Variants in TUB observed in about 807,000 individuals in gnomAD.
The protein encoded by TUB is TUB bipartite transcription factor.
Under a neutral mutation model 59.7 loss-of-function variants are expected in TUB, and 33 were observed. The ratio of observed to expected loss-of-function variants is 0.55; its 90% CI spans 0.42 to 0.74. The LOEUF is 0.74. Ranked by LOEUF, TUB falls within the 30% of genes least tolerant of loss-of-function variation. TUB has a pLI of 0.00. For synonymous variants in TUB, 293 were observed against 256.4 expected (o/e 1.14, Z -1.36); for missense variants, 659 against 672.0 (o/e 0.98, Z 0.21).
chr11:8,023,211 G>A (rs549905096), intron 1 of TUB, among the ~76,000 whole-genome samples: 23 of 152,304 alleles, frequency 1.5e-4, no homozygotes, highest in East Asian at 1.9e-4. Flanking sequence ...GGTCTCTTGA[G>A]GCCTAGGTTT....
chr11:8,048,119 G>A (rs906156325), intron 2 of TUB, among the ~76,000 whole-genome samples: 2 of 151,944 alleles, frequency 1.3e-5, no homozygotes, highest in African/African-American at 4.8e-5. Flanking sequence ...CATTTGTTGA[G>A]GACTTATACC....
intron 1 of TUB, among the ~76,000 whole-genome samples, chr11:8,029,657 G>A (rs1237755926): frequency 6.6e-6 from 1 of 151,582 alleles, no homozygotes; most frequent in Non-Finnish European, 1.5e-5. Flanking sequence ...CCAAAGTGCT[G>A]GGATTACAGG....
rs979634311 is a variant in TUB at position 8,101,558 on chromosome 11, G to A, written c.1460G>A (p.Cys487Tyr). 1.9e-6 allele frequency: 3 copies of A among 1,614,118 alleles called. No homozygotes were observed. Among genetic ancestry groups the A allele is most frequent in the South Asian group, 1.1e-5 (1 of 91,086 alleles). Reference protein sequence around the residue: ...VFTMDYNYPLCALQAFAIALS... With the variant: ...VFTMDYNYPLYALQAFAIALS... ...ACCATGGATTACAACTACCCGCTGT[G>A]TGCACTGCAGGCCTTTGCCATTGCC... Residue 487 changes from cysteine (C) to tyrosine (Y), a missense_variant, in exon 12 of 12, where the codon TGT becomes TAT. Around this residue, in one of 3 missense-constraint regions of TUB, gnomAD observed 226 missense variants for 210.8 expected, o/e 1.07. Transcript: ENST00000299506.
At chr11:8,032,061 G>T (rs1188259803) in intron 1 of TUB, among the ~76,000 whole-genome samples, 3 of 152,208 alleles carry the variant, frequency 2.0e-5, no homozygotes, top group South Asian at 2.1e-4. Flanking sequence ...AGGAAGGGGA[G>T]CAGCCGCGAC....
chr11:8,055,798 C>G (rs993371066), intron 2 of TUB, among the ~76,000 whole-genome samples: 2 of 152,226 alleles, frequency 1.3e-5, no homozygotes, highest in Admixed American at 6.5e-5. Flanking sequence ...GGAGCACCCC[C>G]TTGGAGTCCT....
Position 8,094,170 on chromosome 11 carries a change from G to A in TUB, c.378G>A (p.Glu126=), listed in dbSNP as rs753534902. 43 of 1,613,410 alleles carry A rather than the reference G, an allele frequency of 2.7e-5. No individual in the cohort carries two copies. The highest frequency in any genetic ancestry group is 3.1e-5 in the Non-Finnish European group (36 of 1,179,688). ...GCCAGGGTGGCGCCGCTAGGAAGGA[G>A]AAGAAGGGAAAGCACAAAGGTCAGC... is the stretch of plus-strand genomic sequence containing the variant. ...AGGQGGAARK[E]KKGKHKGTSG... Residue 126 remains glutamate (E), a synonymous_variant, in exon 4 of 12, where the codon GAG becomes GAA. Coordinates refer to ENST00000299506, the MANE Select transcript of TUB (RefSeq NM_177972.3).
chr11:8,039,188 G>A (rs1422550613), intron 1 of TUB, among the ~76,000 whole-genome samples: 12 of 151,546 alleles, frequency 7.9e-5, no homozygotes, highest in African/African-American at 2.4e-4. Flanking sequence ...GTATATCCCC[G>A]CAAACCCCTC....
intron 2 of TUB, among the ~76,000 whole-genome samples, chr11:8,073,846 G>C (rs1943399577): frequency 6.6e-6 from 1 of 152,182 alleles, no homozygotes; most frequent in Admixed American, 6.5e-5. Context: ...CTCCAGCCCT[G>C]GGTCTCCCTG....
intron 2 of TUB, among the ~76,000 whole-genome samples, chr11:8,057,473 CTA>C (rs1439192117): frequency 6.6e-6 from 1 of 152,202 alleles, no homozygotes; most frequent in East Asian, 1.9e-4. Context: ...ATCTTCTAAA[CTA>C]TATGTCTATG....
Position 8,101,747 on chromosome 11 carries a change from T to C in TUB, c.*128T>C. 2.1e-6 allele frequency: 3 copies of C among 1,426,862 alleles called. No individual in the cohort carries two copies. The highest frequency in any genetic ancestry group is 2.8e-6 in the Non-Finnish European group (3 of 1,086,144). The allele number at this position is 1,426,862 out of a possible 1,614,324, so 88.4% of individuals were successfully genotyped here. Reference sequence around the variant, plus strand: ...GATGAAGCTTTGGCCCTCAGTGGGCTCCCTGGCCCAGCCAGCCAGGAACTG... The same window carrying C: ...GATGAAGCTTTGGCCCTCAGTGGGCCCCCTGGCCCAGCCAGCCAGGAACTG... On this transcript the variant is annotated 3_prime_UTR_variant, in exon 12 of 12. Coordinates refer to ENST00000299506, the MANE Select transcript of TUB (RefSeq NM_177972.3).
At chr11:8,090,869 C>T (rs950954944) in intron 3 of TUB, among the ~76,000 whole-genome samples, 1 of 151,696 alleles carries the variant, frequency 6.6e-6, no homozygotes, top group Admixed American at 6.5e-5. Flanking sequence ...GACCCTCCTT[C>T]CTGCTTGGGT....
intron 1 of TUB, among the ~76,000 whole-genome samples, chr11:8,020,317 C>T (rs961428890): frequency 3.9e-5 from 6 of 152,146 alleles, no homozygotes; most frequent in Admixed American, 3.9e-4. Context: ...CTCTCATCTC[C>T]GTGAAGTCCT....
At chr11:8,053,703 G>T (rs989641229) in intron 2 of TUB, among the ~76,000 whole-genome samples, 1 of 150,630 alleles carries the variant, frequency 6.6e-6, no homozygotes, top group Non-Finnish European at 1.5e-5. Flanking sequence ...GGGTTTCACC[G>T]TGTTAGCCAG....
chr11:8,055,947 GC>G (rs1397289428), intron 2 of TUB, among the ~76,000 whole-genome samples: 2 of 152,186 alleles, frequency 1.3e-5, no homozygotes, highest in African/African-American at 4.8e-5. Flanking sequence ...TGCAGCCTGG[GC>G]AAGGCCCTTA....
chr11:8,025,532 C>T (rs1009833599), intron 1 of TUB, among the ~76,000 whole-genome samples: 9 of 152,192 alleles, frequency 5.9e-5, no homozygotes, highest in African/African-American at 2.2e-4. Flanking sequence ...CAGGGAACCA[C>T]TGATCTGATT....
At chr11:8,079,216 A>G (rs913668435), upstream of TUB, among the ~76,000 whole-genome samples, 1 of 151,938 alleles carries the variant, frequency 6.6e-6, no homozygotes, top group African/African-American at 2.4e-5. Flanking sequence ...AGTCTTTTAG[A>G]CTCTAGCTGT....
Position 8,097,698 on chromosome 11 carries a change from C to A in TUB, c.886-16C>A. On this transcript the variant is annotated splice_polypyrimidine_tract_variant and intron_variant, in intron 7 of 11. Coordinates refer to ENST00000299506, the MANE Select transcript of TUB (RefSeq NM_177972.3). ...AGAGGCTGAGTCTGGAATATGACCT[C>A]ATTCCACTCCCCAAGGTGTTCCTCC... is the stretch of plus-strand genomic sequence containing the variant. The A allele has an allele frequency of 6.3e-7, 1 of 1,592,784 alleles. No individual in the cohort carries two copies. Among genetic ancestry groups the A allele is most frequent in the Non-Finnish European group, 8.6e-7 (1 of 1,161,986 alleles).
Position 8,089,885 on chromosome 11 carries a change from C to T in TUB, c.91-184C>T, listed in dbSNP as rs532165904. Among the ~76,000 whole-genome samples, 7 of 152,360 alleles carry T rather than the reference C, an allele frequency of 4.6e-5. No individual in the cohort carries two copies. In the East Asian group the frequency reaches 1.4e-3, roughly 29 times the overall value. On this transcript the variant is annotated intron_variant, in intron 2 of 11. Transcript: ENST00000299506. ...TGGGTGACTGCAGTTGGAGGGCTGG[C>T]TGTGCTGTGATCCTGCCAGGGCAGC...
intron 1 of TUB, among the ~76,000 whole-genome samples, chr11:8,025,494 A>G (rs1942488473): frequency 6.6e-6 from 1 of 152,126 alleles, no homozygotes; most frequent in African/African-American, 2.4e-5. Context: ...CTCTTCTCCC[A>G]ACTCCCCGCA....
Sources: allele counts gnomAD v4.1 joint callset (sites outside exome capture counted in the v4.1 genomes callset), GRCh38; gene constraint gnomAD v4.1.1; regional missense constraint gnomAD v4.1.1; transcripts MANE v1.5; gene names NCBI Gene and HGNC (gene_info 2026-07-23, HGNC 2026-07-21).